DRD3: variants seen among roughly 807,000 people sequenced by gnomAD.
The protein encoded by DRD3 is dopamine receptor D3, also known as D(3) dopamine receptor.
A neutral mutation model predicts 36.3 loss-of-function variants in DRD3; 19 were observed. The ratio of observed to expected loss-of-function variants is 0.52; its 90% CI spans 0.36 to 0.77. The LOEUF (loss-of-function observed/expected upper bound fraction) is 0.77. DRD3 is among the 30% of genes least tolerant of loss of function. The pLI is 0.00. For synonymous variants in DRD3, 195 were observed against 203.7 expected (o/e 0.96, Z 0.36); for missense variants, 465 against 505.3 (o/e 0.92, Z 0.77).
At chr3:114,199,190 A>G (rs1366801300) in intron 1 of DRD3, 1 of 152,164 alleles carries the variant, frequency 6.6e-6, no homozygotes, top group Non-Finnish European at 1.5e-5. Flanking sequence ...CATCTCCCAT[A>G]TTGTCTTGGT....
intron 4 of DRD3, among the ~76,000 whole-genome samples, chr3:114,140,538 T>C (rs919912738): frequency 1.3e-5 from 2 of 152,230 alleles, no homozygotes; most frequent in Non-Finnish European, 2.9e-5. Flanking sequence ...AAGAGCTTTG[T>C]ACCCCTTATC....
At chr3:114,150,938 T>C (rs1029705618) in intron 3 of DRD3, among the ~76,000 whole-genome samples, 2 of 152,240 alleles carry the variant, frequency 1.3e-5, no homozygotes, top group African/African-American at 4.8e-5. Context: ...GAAGGTAAAC[T>C]GTGCAGGACT....
chr3:114,176,766 G>A (rs1444138312), intron 1 of DRD3, among the ~76,000 whole-genome samples: 2 of 152,156 alleles, frequency 1.3e-5, no homozygotes, highest in Non-Finnish European at 2.9e-5. Flanking sequence ...GACGACTCCT[G>A]ACCACCAGTC....
At position 114,177,789 on chromosome 3, in the gene DRD3, G is replaced by T. The variant is rs573578834; in HGVS notation, c.-36+868C>A. 2.6e-4 allele frequency among the ~76,000 whole-genome samples: 39 copies of T among 152,182 alleles called. 1 individual carries two copies. The highest frequency in any genetic ancestry group is 5.2e-4 in the Admixed American group (8 of 15,278). On this transcript the variant is annotated intron_variant, in intron 1 of 6. Transcript: ENST00000383673. ...GCCGAGTAAGAATCTTTCTCACATT[G>T]TCTCTACTTCTCCTTGACTATAAGA... is the stretch of plus-strand genomic sequence containing the variant.
intron 1 of DRD3, among the ~76,000 whole-genome samples, chr3:114,173,586 C>A (rs1196458473): frequency 6.6e-6 from 1 of 152,112 alleles, no homozygotes; most frequent in Admixed American, 6.5e-5. Context: ...TTCTATGTAG[C>A]CTGAGGTTGG....
At chr3:114,133,000 T>G (rs936130639) in intron 5 of DRD3, among the ~76,000 whole-genome samples, 1 of 152,066 alleles carries the variant, frequency 6.6e-6, no homozygotes, top group African/African-American at 2.4e-5. Flanking sequence ...GTATTCTTTT[T>G]TTTTTTTGAG....
intron 4 of DRD3, among the ~76,000 whole-genome samples, chr3:114,146,218 C>A (rs1397579481): frequency 6.6e-6 from 1 of 152,176 alleles, no homozygotes; most frequent in Non-Finnish European, 1.5e-5. Context: ...TACACACAAG[C>A]ACATGGCTAT....
intron 2 of DRD3, among the ~76,000 whole-genome samples, chr3:114,160,960 A>G (rs1416070459): frequency 6.6e-6 from 1 of 152,178 alleles, no homozygotes; most frequent in Non-Finnish European, 1.5e-5. Context: ...ATATAATATC[A>G]TTTATACTCT....
intron 2 of DRD3, among the ~76,000 whole-genome samples, chr3:114,169,202 T>G (rs2077815574): frequency 6.6e-6 from 1 of 151,760 alleles, no homozygotes; most frequent in Admixed American, 6.6e-5. Context: ...CTCTTTTCTT[T>G]CATTAAGGTG....
At chr3:114,168,497 A>G (rs972075675) in intron 2 of DRD3, among the ~76,000 whole-genome samples, 1 of 152,178 alleles carries the variant, frequency 6.6e-6, no homozygotes, top group South Asian at 2.1e-4. Flanking sequence ...GTTCTGGCCA[A>G]TTAAGCTTAT....
intron 3 of DRD3, among the ~76,000 whole-genome samples, chr3:114,156,747 C>CTT (rs1224403038): frequency 2.2e-4 from 18 of 82,382 alleles, no homozygotes; most frequent in African/African-American, 8.0e-4. Flanking sequence ...CTTTCTTTTT[C>CTT]TTTCTTTCTT....
intron 4 of DRD3, among the ~76,000 whole-genome samples, chr3:114,146,356 A>ATG (rs2077569422): frequency 6.6e-6 from 1 of 152,212 alleles, no homozygotes; most frequent in African/African-American, 2.4e-5. Flanking sequence ...TTTCCTTAGC[A>ATG]CGCAGTGTAT....
chr3:114,187,637 A>G (rs2077982772), intron 1 of DRD3, among the ~76,000 whole-genome samples: 1 of 152,206 alleles, frequency 6.6e-6, no homozygotes, highest in South Asian at 2.1e-4. Flanking sequence ...TTGGTTTGAA[A>G]AGGGACAAAT....
chr3:114,137,463 C>G (rs1419959605), intron 5 of DRD3, among the ~76,000 whole-genome samples: 1 of 152,212 alleles, frequency 6.6e-6, no homozygotes, highest in Non-Finnish European at 1.5e-5. Context: ...GATTAATAGT[C>G]TTGTTTCACT....
At chr3:114,156,749 TTC>T (rs1270233708) in intron 3 of DRD3, among the ~76,000 whole-genome samples, 91 of 100,130 alleles carry the variant, frequency 9.1e-4, no homozygotes, top group African/African-American at 3.4e-3. Context: ...TTCTTTTTCT[TTC>T]TTTCTTTCTT....
chr3:114,133,567 T>A (rs1365662354), intron 5 of DRD3, among the ~76,000 whole-genome samples: 1 of 6,420 alleles, frequency 1.6e-4, no homozygotes, highest in East Asian at 0.045. Flanking sequence ...TCTTACTTAG[T>A]AGATGTATCT....
At chr3:114,145,920 G>C (rs56268649) in intron 4 of DRD3, among the ~76,000 whole-genome samples, 160 of 152,256 alleles carry the variant, frequency 1.1e-3, no homozygotes, top group Non-Finnish European at 1.8e-3. Flanking sequence ...TGTAGATCAA[G>C]TTTACTTATT....
intron 1 of DRD3, among the ~76,000 whole-genome samples, chr3:114,195,404 T>C (rs1172588053): frequency 6.6e-6 from 1 of 152,204 alleles, no homozygotes; most frequent in Non-Finnish European, 1.5e-5. Flanking sequence ...ATGATTGACA[T>C]ACCCTGGAAA....
At chr3:114,154,325 A>ATGTGTGTGTGTGTGTGTGTG (rs139298505) in intron 3 of DRD3, among the ~76,000 whole-genome samples, 1 of 149,118 alleles carries the variant, frequency 6.7e-6, no homozygotes, top group African/African-American at 2.5e-5. Context: ...AGGGTGGGAG[A>ATGTGTGTGTGTGTGTGTGTG]TGTGTGTGTG....
Sources: gnomAD v4.1 joint callset for allele counts (sites outside exome capture counted in the v4.1 genomes callset) on GRCh38, gnomAD v4.1.1 for gene constraint, MANE v1.5 for transcripts, NCBI Gene and HGNC (gene_info 2026-07-23, HGNC 2026-07-21) for gene names.